ACACB: variants seen among roughly 807,000 people sequenced by gnomAD.
ACACB encodes acetyl-CoA carboxylase 2.
ACACB carries 209 observed loss-of-function variants against 278.8 expected under a neutral mutation model. The ratio of observed to expected loss-of-function variants is 0.75; its 90% CI spans 0.67 to 0.84. The LOEUF is 0.84. ACACB is among the 40% of genes least tolerant of loss of function. The probability of loss-of-function intolerance (pLI) is 0.00; values close to 1 mark genes in which losing one functional copy is unlikely to be tolerated. For missense variants in ACACB, 2,850 were observed against 3,269.0 expected (o/e 0.87, Z 3.13); for synonymous variants, 1,174 against 1,285.6 (o/e 0.91, Z 1.86).
intron 28 of ACACB, among the ~76,000 whole-genome samples, chr12:109,230,959 T>C (rs2046450583): frequency 6.6e-6 from 1 of 152,194 alleles, no homozygotes; most frequent in Admixed American, 6.5e-5. Flanking sequence ...AGAAATGTAC[T>C]CTGGGCCTGT....
At chr12:109,207,183 T>G (rs2045546367) in intron 20 of ACACB, among the ~76,000 whole-genome samples, 1 of 152,204 alleles carries the variant, frequency 6.6e-6, no homozygotes, top group East Asian at 1.9e-4. Context: ...CTTGAACTCT[T>G]GGGCTCAAGT....
Position 109,260,591 on chromosome 12 carries a change from C to T in ACACB, c.6608C>T (p.Ser2203Phe). Residue 2203 changes from serine to phenylalanine, a missense_variant, in exon 48 of 53, where the codon TCC becomes TTC. Ser to Phe is a radical substitution (Grantham distance 155, BLOSUM62 -2). This residue lies in a region of ACACB where 579 missense variants were observed against 684.6 expected (regional missense o/e 0.85). Transcript: ENST00000338432. ...CCCTATGCGGAGCTCCGGGGAGGCT[C>T]CTGGGTGGTCATAGATGCCACCATC... ...IPPYAELRGG[S>F]WVVIDATINP... 2.5e-6 allele frequency: 4 copies of T among 1,611,970 alleles called. No individual in the cohort carries two copies. The highest frequency in any genetic ancestry group is 3.4e-6 in the Non-Finnish European group (4 of 1,179,248).
intron 21 of ACACB, among the ~76,000 whole-genome samples, chr12:109,210,412 C>CGTGT (rs1565928383): frequency 7.1e-6 from 1 of 139,972 alleles, no homozygotes; most frequent in African/African-American, 2.8e-5. Flanking sequence ...CACGCACACA[C>CGTGT]ATGTGTATAT....
chr12:109,233,627 C>T (rs896450643), intron 29 of ACACB, 121 bp from the exon 30 acceptor site: 9 of 800,208 alleles, frequency 1.1e-5, no homozygotes, highest in Middle Eastern at 2.6e-4. Context: ...TGGATAAGAT[C>T]AAAGGGTGTT....
intron 2 of ACACB, among the ~76,000 whole-genome samples, chr12:109,160,861 C>T (rs551574133): frequency 9.9e-4 from 150 of 152,280 alleles, no homozygotes; most frequent in Non-Finnish European, 1.9e-3. Context: ...TCACCAGTTT[C>T]GAAATCAACA....
intron 2 of ACACB, among the ~76,000 whole-genome samples, chr12:109,156,050 G>A (rs899677854): frequency 6.6e-6 from 1 of 152,140 alleles, no homozygotes; most frequent in African/African-American, 2.4e-5. Flanking sequence ...CTTTAAATGG[G>A]TGCACCTTAA....
intron 1 of ACACB, among the ~76,000 whole-genome samples, chr12:109,131,109 C>T (rs2042814167): frequency 6.6e-6 from 1 of 152,166 alleles, no homozygotes; most frequent in Non-Finnish European, 1.5e-5. Context: ...GGAGGTGGTC[C>T]TCAAGCCCAC....
At chr12:109,236,716 T>G (rs2046640946) in intron 33 of ACACB, among the ~76,000 whole-genome samples, 1 of 152,202 alleles carries the variant, frequency 6.6e-6, no homozygotes, top group South Asian at 2.1e-4. Flanking sequence ...TTTTTCTAGC[T>G]AAGACACATC....
In ACACB at chr12:109,239,961, C is replaced by A; in HGVS notation, c.4794C>A (p.Pro1598=). 1 of 1,614,084 alleles carries A rather than the reference C, an allele frequency of 6.2e-7. No individual in the cohort carries two copies. The highest frequency in any genetic ancestry group is 1.3e-5 in the African/African-American group (1 of 75,064). ...DCNHIFLNFV[P]TVIMDPFKIE... ...ACCACATCTTCCTCAACTTCGTGCCCACTGTCATCATGGACCCCTTCAAGG... is the reference window on the plus strand; with the variant it reads ...ACCACATCTTCCTCAACTTCGTGCCAACTGTCATCATGGACCCCTTCAAGG... The change falls in exon 35 of 53, where the codon CCC becomes CCA. Residue 1598 remains proline (P), a synonymous_variant. Coordinates refer to ENST00000338432, the MANE Select transcript of ACACB (RefSeq NM_001093.4).
chr12:109,259,280 AGATGAGGAACT>A (rs1364780718), intron 47 of ACACB, among the ~76,000 whole-genome samples, 172 bp downstream of exon 47: 15 of 152,180 alleles, frequency 9.9e-5, no homozygotes, highest in African/African-American at 3.6e-4. Flanking sequence ...CCCGTTTTAA[AGATGAGGAACT>A]GCTGGGCACA....
chr12:109,167,654 T>TATATATATA (rs71079531), intron 3 of ACACB, among the ~76,000 whole-genome samples: 61 of 138,670 alleles, frequency 4.4e-4, no homozygotes, highest in South Asian at 6.9e-4. Flanking sequence ...TATATATATA[T>TATATATATA]TTCAGACAAA....
intron 39 of ACACB, 98 bp from the exon 40 acceptor site, chr12:109,247,508 T>G: frequency 1.3e-5 from 10 of 797,636 alleles, no homozygotes; most frequent in South Asian, 3.1e-5. Context: ...TAACATGTTA[T>G]TAACATCCAT....
rs374321608 is a variant in ACACB, at chr12:109,165,864, G to A, written c.654-997G>A. ...ATGACTCACAAGATTGCATACACTTGTTGTTTAGGACTATGGAGATGTGTA... is the reference window on the plus strand; with the variant it reads ...ATGACTCACAAGATTGCATACACTTATTGTTTAGGACTATGGAGATGTGTA... On this transcript the variant is annotated intron_variant, in intron 2 of 52. Coordinates refer to ENST00000338432, the MANE Select transcript of ACACB (RefSeq NM_001093.4). 2.3e-4 allele frequency among the ~76,000 whole-genome samples: 35 copies of A among 152,308 alleles called. 1 individual carries two copies. The South Asian group carries it at 7.3e-3, about 32-fold the overall frequency.
intron 2 of ACACB, among the ~76,000 whole-genome samples, chr12:109,149,706 T>C (rs1379401783): frequency 6.6e-6 from 1 of 152,198 alleles, no homozygotes; most frequent in Non-Finnish European, 1.5e-5. Flanking sequence ...AGTCAAGGTT[T>C]GTCCCATCCA....
intron 2 of ACACB, among the ~76,000 whole-genome samples, chr12:109,158,356 G>T (rs1389307431): frequency 1.0e-5 from 1 of 99,858 alleles, no homozygotes; most frequent in Non-Finnish European, 2.1e-5. Context: ...CACAAAACAG[G>T]ATTCTTTTGA....
At chr12:109,255,308 G>A (rs1277527290) in intron 44 of ACACB, among the ~76,000 whole-genome samples, 18 of 152,206 alleles carry the variant, frequency 1.2e-4, no homozygotes, top group Admixed American at 1.2e-3. Flanking sequence ...GCTACCTTTA[G>A]ACTTGGCTGC....
At chr12:109,198,705 C>G (rs2136319315) in intron 17 of ACACB, among the ~76,000 whole-genome samples, 1 of 152,066 alleles carries the variant, frequency 6.6e-6, no homozygotes, top group Admixed American at 6.6e-5. Context: ...ACAATAGCCT[C>G]AAACTCCTGG....
chr12:109,136,635 A>C (rs2042972380), intron 1 of ACACB, among the ~76,000 whole-genome samples: 1 of 152,090 alleles, frequency 6.6e-6, no homozygotes, highest in Non-Finnish European at 1.5e-5. Flanking sequence ...TTTCTTTTTC[A>C]GATTATTTAC....
intron 27 of ACACB, 99 bp downstream of exon 27, chr12:109,224,003 T>A: frequency 3.0e-6 from 3 of 987,172 alleles, no homozygotes; most frequent in South Asian, 2.6e-5. Context: ...CCTTGGTGAA[T>A]GTGATCCTAT....
Sources: allele counts gnomAD v4.1 joint callset (sites outside exome capture counted in the v4.1 genomes callset), GRCh38; gene constraint gnomAD v4.1.1; regional missense constraint gnomAD v4.1.1; transcripts MANE v1.5; gene names NCBI Gene and HGNC (gene_info 2026-07-23, HGNC 2026-07-21).